The following SPATA16 variants were observed in gnomAD, a reference collection of about 807,000 sequenced individuals.
SPATA16 encodes spermatogenesis-associated protein 16.
Under a neutral mutation model 63.3 loss-of-function variants are expected in SPATA16, and 36 were observed. The ratio of observed to expected loss-of-function variants is 0.57; its 90% confidence interval spans 0.44 to 0.75. SPATA16 has a LOEUF of 0.75. Ranked by LOEUF, SPATA16 falls within the 30% of genes least tolerant of loss-of-function variation. The probability of loss-of-function intolerance (pLI) is 0.00; values close to 1 mark genes in which losing one functional copy is unlikely to be tolerated. For missense variants in SPATA16, 646 were observed against 679.3 expected (o/e 0.95, Z 0.54); for synonymous variants, 203 against 216.7 (o/e 0.94, Z 0.56).
chr3:172,985,277 T>G (rs1734420759), intron 4 of SPATA16, among the ~76,000 whole-genome samples: 1 of 152,240 alleles, frequency 6.6e-6, no homozygotes, highest in South Asian at 2.1e-4. Flanking sequence ...TATGCCTGAT[T>G]GAAGAGGAAT....
At chr3:173,068,185 CA>C (rs1180450616) in intron 2 of SPATA16, among the ~76,000 whole-genome samples, 3 of 152,128 alleles carry the variant, frequency 2.0e-5, no homozygotes, top group Admixed American at 1.3e-4. Context: ...AGTATACAAA[CA>C]AACAGAATAC....
intron 4 of SPATA16, among the ~76,000 whole-genome samples, chr3:172,997,893 A>C (rs1734726341): frequency 6.6e-6 from 1 of 152,154 alleles, no homozygotes; most frequent in Non-Finnish European, 1.5e-5. Flanking sequence ...CTTTCGGATT[A>C]AAGATCAGTT....
Position 173,097,905 on chromosome 3 carries a change from A to C in SPATA16, c.612+19215T>G, listed in dbSNP as rs189216063. ...ATCCAGTAGAACTTGCATTTGTCAA[A>C]GTGCAAAGGAAGCACAAGGGCATAA... On this transcript the variant is annotated intron_variant, in intron 2 of 10. Transcript: ENST00000351008. Among the ~76,000 whole-genome samples the C allele has an allele frequency of 2.8e-3, 427 of 152,324 alleles. 8 individuals carry two copies. Among genetic ancestry groups the C allele is most frequent in the Non-Finnish European group, 7.8e-4 (53 of 68,026 alleles).
At chr3:172,904,153 T>C (rs768455044) in intron 10 of SPATA16, among the ~76,000 whole-genome samples, 1 of 152,254 alleles carries the variant, frequency 6.6e-6, no homozygotes, top group African/African-American at 2.4e-5. Flanking sequence ...TATAGGGTTG[T>C]TGCAATCATT....
intron 4 of SPATA16, among the ~76,000 whole-genome samples, chr3:172,983,926 A>G (rs1734380789): frequency 6.6e-6 from 1 of 152,086 alleles, no homozygotes; most frequent in Non-Finnish European, 1.5e-5. Flanking sequence ...CACATTTTCC[A>G]TAACCCTCCA....
At chr3:173,042,444 G>A (rs948296443) in intron 3 of SPATA16, among the ~76,000 whole-genome samples, 2 of 152,038 alleles carry the variant, frequency 1.3e-5, no homozygotes, top group African/African-American at 4.8e-5. Flanking sequence ...GTCTGGTCTT[G>A]AACTCCTCCT....
intron 8 of SPATA16, among the ~76,000 whole-genome samples, chr3:172,923,165 T>C (rs1011507292): frequency 2.6e-5 from 4 of 152,094 alleles, no homozygotes; most frequent in African/African-American, 9.7e-5. Context: ...TTTAGGTTGG[T>C]GTTTTGTTAT....
chr3:173,011,956 T>A lies in SPATA16; in HGVS notation c.848+7530A>T, dbSNP rs1735084192. 2.6e-5 allele frequency among the ~76,000 whole-genome samples: 4 copies of A among 152,088 alleles called. No homozygotes were observed. In the South Asian group the frequency reaches 8.3e-4, roughly 32 times the overall value. ...AGCCTACTGAGTAGCTAGTACTACATGTGTGTGCCACCATGCCCAGCTAAT... is the reference window on the plus strand; with the variant it reads ...AGCCTACTGAGTAGCTAGTACTACAAGTGTGTGCCACCATGCCCAGCTAAT... On this transcript the variant is annotated intron_variant, in intron 4 of 10. Coordinates refer to ENST00000351008, the MANE Select transcript of SPATA16 (RefSeq NM_031955.6).
chr3:173,017,806 A>G (rs1452602357), intron 4 of SPATA16, among the ~76,000 whole-genome samples: 1 of 152,216 alleles, frequency 6.6e-6, no homozygotes, highest in Non-Finnish European at 1.5e-5. Context: ...TATTTTGCAG[A>G]TGGCTGTTAC....
At chr3:172,912,559 C>T (rs562089490) in intron 10 of SPATA16, among the ~76,000 whole-genome samples, 3 of 151,982 alleles carry the variant, frequency 2.0e-5, no homozygotes, top group Admixed American at 2.0e-4. Flanking sequence ...ACAGCAAGAC[C>T]AATCACCTCC....
intron 4 of SPATA16, among the ~76,000 whole-genome samples, chr3:172,986,242 G>A (rs1734454019): frequency 1.3e-5 from 2 of 152,152 alleles, no homozygotes; most frequent in Non-Finnish European, 2.9e-5. Context: ...AGTAATAGTA[G>A]TATTACTGTT....
chr3:173,024,691 G>A (rs1305738110), intron 3 of SPATA16, among the ~76,000 whole-genome samples: 1 of 150,616 alleles, frequency 6.6e-6, no homozygotes, highest in African/African-American at 2.4e-5. Flanking sequence ...CTAAAATTAA[G>A]TTGCTAGAGG....
intron 6 of SPATA16, among the ~76,000 whole-genome samples, chr3:172,927,955 G>A (rs1409394748): frequency 1.3e-5 from 2 of 151,722 alleles, no homozygotes; most frequent in African/African-American, 2.4e-5. Flanking sequence ...GTCTACCCAG[G>A]CTGGAGTGCA....
At chr3:173,076,598 A>T (rs1341774466) in intron 2 of SPATA16, among the ~76,000 whole-genome samples, 2 of 152,104 alleles carry the variant, frequency 1.3e-5, no homozygotes, top group African/African-American at 2.4e-5. Context: ...AAATTATTTT[A>T]AACAGCTGAG....
rs144799848 is a variant in SPATA16 at position 173,074,031 on chromosome 3, C to T, written c.613-24937G>A. Among the ~76,000 whole-genome samples the T allele has an allele frequency of 8.0e-3, 1,222 of 152,278 alleles. 25 individuals carry two copies. Among genetic ancestry groups the T allele is most frequent in the African/African-American group, 0.028 (1,151 of 41,550 alleles). On this transcript the variant is annotated intron_variant, in intron 2 of 10. Transcript: ENST00000351008. ...AAGATTTGACTGCCCTGCTGGATTT[C>T]GGACTTGCATGGGGTCTTTAGCCCC... is the stretch of plus-strand genomic sequence containing the variant.
At chr3:172,957,390 G>A (rs995830943) in intron 5 of SPATA16, among the ~76,000 whole-genome samples, 1 of 152,006 alleles carries the variant, frequency 6.6e-6, no homozygotes, top group Admixed American at 6.6e-5. Context: ...GTTTAAGGTG[G>A]CTTTGGCTAT....
chr3:173,070,842 T>C (rs1190107357), intron 2 of SPATA16, among the ~76,000 whole-genome samples: 1 of 152,170 alleles, frequency 6.6e-6, no homozygotes, highest in East Asian at 1.9e-4. Flanking sequence ...ATGTTCCATG[T>C]TCATGGTTTG....
intron 6 of SPATA16, among the ~76,000 whole-genome samples, chr3:172,933,992 A>T (rs1399800557): frequency 3.9e-5 from 6 of 152,196 alleles, no homozygotes; most frequent in Non-Finnish European, 7.4e-5. Context: ...CAAAGGTAGC[A>T]ATATTGAATA....
At position 172,949,822 on chromosome 3, in the gene SPATA16, A is replaced by G. The variant is rs376710757; in HGVS notation, c.1081+6855T>C. Among the ~76,000 whole-genome samples the G allele has an allele frequency of 9.9e-5, 15 of 152,228 alleles. 3 individuals are homozygous for G. Among genetic ancestry groups the G allele is most frequent in the Admixed American group, 3.3e-4 (5 of 15,294 alleles). On this transcript the variant is annotated intron_variant, in intron 6 of 10. Coordinates refer to ENST00000351008, the MANE Select transcript of SPATA16 (RefSeq NM_031955.6). ...AGTGGAAGAGACTCATCAATTCATG[A>G]GGGAATAAATTTAGAGGACGTATCT...
Sources: gnomAD v4.1 joint callset for allele counts (sites outside exome capture counted in the v4.1 genomes callset) on GRCh38, gnomAD v4.1.1 for gene constraint, MANE v1.5 for transcripts, NCBI Gene and HGNC (gene_info 2026-07-23, HGNC 2026-07-21) for gene names.